MFAP5: variants seen among roughly 807,000 people sequenced by gnomAD.
MFAP5 encodes microfibrillar-associated protein 5.
In MFAP5, 19 loss-of-function variants were observed where a neutral mutation model predicts 30.1. The ratio of observed to expected loss-of-function variants is 0.63; its 90% CI spans 0.44 to 0.93. The LOEUF (loss-of-function observed/expected upper bound fraction) is 0.93. Ranked by LOEUF, MFAP5 falls within the 40% of genes least tolerant of loss-of-function variation. The pLI is 0.00. For missense variants in MFAP5, 210 were observed against 221.3 expected (o/e 0.95, Z 0.32); for synonymous variants, 92 against 72.9 (o/e 1.26, Z -1.33).
In MFAP5 at chr12:8,646,251, T is replaced by C. The variant is rs1456401484; in HGVS notation, c.*1840A>G. The C allele has an allele frequency of 6.6e-6, 1 of 152,236 alleles. No individual in the cohort carries two copies. The highest frequency in any genetic ancestry group is 1.5e-5 in the Non-Finnish European group (1 of 68,026). 9.4% of individuals were successfully genotyped at this position (152,236 alleles called of 1,614,324 possible). A position where few individuals can be genotyped will look rare whatever the true frequency, so the allele number is the denominator to read the frequency against. ...GGCTTTTTGTAGCATTTTTTTAAAA[T>C]CAGTTGTACAGATCCCATTAAACGA... On this transcript the variant is annotated 3_prime_UTR_variant, in exon 10 of 10. Coordinates refer to ENST00000359478, the MANE Select transcript of MFAP5 (RefSeq NM_003480.4).
In MFAP5 at chr12:8,649,541, G is replaced by T; in HGVS notation, c.369C>A (p.Ile123=). 2 of 1,614,094 alleles carry T rather than the reference G, an allele frequency of 1.2e-6. No homozygotes were observed. The highest frequency in any genetic ancestry group is 2.2e-5 in the South Asian group (2 of 91,086). ...LRRMYIVNKE[I]CSRLVCKEHE... ...GTTCCTTACAGACAAGACGAGAGCA[G>T]ATCTCCTTGTTGACGATGTACATAC... The change falls in exon 9 of 10, where the codon ATC becomes ATA. Residue 123 remains isoleucine (I), a synonymous_variant. Coordinates refer to ENST00000359478, the MANE Select transcript of MFAP5 (RefSeq NM_003480.4).
At position 8,649,566 on chromosome 12, in the gene MFAP5, C is replaced by A; in HGVS notation, c.344G>T (p.Arg115Leu). The A allele has an allele frequency of 1.9e-6, 3 of 1,613,832 alleles. No homozygotes were observed. Among genetic ancestry groups the A allele is most frequent in the Non-Finnish European group, 2.5e-6 (3 of 1,179,900 alleles). The change falls in exon 9 of 10, where the codon CGT becomes CTT. Residue 115 changes from arginine (R) to leucine (L), a missense_variant. By Grantham distance (102) the Arg-to-Leu change is moderately radical. Transcript: ENST00000359478. ...IHQLCFTSLRRMYIVNKEICS... is the reference protein window; with the variant it reads ...IHQLCFTSLRLMYIVNKEICS... ...GATCTCCTTGTTGACGATGTACATA[C>A]GTCGTAAACTGCAGACGTCCCAGTG... is the stretch of plus-strand genomic sequence containing the variant.
chr12:8,654,163 CTTCTTCT>C, intron 6 of MFAP5: 1 of 295,036 alleles, frequency 3.4e-6, no homozygotes, highest in Non-Finnish European at 6.3e-6. Context: ...CAAAGCATTA[CTTCTTCT>C]ACCCTTTATC....
intron 9 of MFAP5, 35 bp from the exon 10 acceptor site, chr12:8,648,238 G>T: frequency 1.3e-6 from 2 of 1,521,668 alleles, no homozygotes; most frequent in Non-Finnish European, 1.8e-6. Context: ...GGAAGAGAAT[G>T]CAGAAGATAA....
intron 9 of MFAP5, among the ~76,000 whole-genome samples, chr12:8,649,093 A>T (rs1453427813): frequency 6.6e-6 from 1 of 152,164 alleles, no homozygotes; most frequent in African/African-American, 2.4e-5. Flanking sequence ...CTGTCTCCAA[A>T]TTAGTGCATG....
At chr12:8,656,668 A>ATTTTTTTT (rs1555139703) in intron 3 of MFAP5, among the ~76,000 whole-genome samples, 42 of 118,784 alleles carry the variant, frequency 3.5e-4, no homozygotes, top group African/African-American at 1.4e-3. Context: ...ATATATATAT[A>ATTTTTTTT]TTTTTTTTTT....
At chr12:8,649,404 C>T in intron 9 of MFAP5, 97 bp downstream of exon 9, 1 of 1,109,826 alleles carries the variant, frequency 9.0e-7, no homozygotes. Flanking sequence ...GCCTGAAGCC[C>T]TCCTCTAGTA....
Position 8,647,920 on chromosome 12 carries a change from T to C in MFAP5, c.*171A>G. 2.0e-6 allele frequency: 1 copy of C among 508,490 alleles called. No individual in the cohort carries two copies. The highest frequency in any genetic ancestry group is 3.5e-6 in the Non-Finnish European group (1 of 282,124). The allele number at this position is 508,490 out of a possible 1,614,324, so 31.5% of individuals were successfully genotyped here. ...GTATTTTAAGTGCTAGAAAATGAGA[T>C]AAATGTTATCAGTTTGGGTGAAAAA... On this transcript the variant is annotated 3_prime_UTR_variant, in exon 10 of 10. Transcript: ENST00000359478.
At chr12:8,655,167 A>G (rs1941947430) in intron 5 of MFAP5, among the ~76,000 whole-genome samples, 2 of 151,870 alleles carry the variant, frequency 1.3e-5, no homozygotes, top group Non-Finnish European at 2.9e-5. Flanking sequence ...AATCTCAGCT[A>G]CTCAGGAGGC....
At chr12:8,650,401 C>T in intron 8 of MFAP5, 101 bp downstream of exon 8, 2 of 1,153,400 alleles carry the variant, frequency 1.7e-6, no homozygotes, top group Admixed American at 3.7e-5. Flanking sequence ...AACTTTGGCC[C>T]CATCAAAGTT....
Position 8,654,626 on chromosome 12 carries a change from T to C in MFAP5, c.173-145A>G, listed in dbSNP as rs996268015. 7 of 647,824 alleles carry C rather than the reference T, an allele frequency of 1.1e-5. No homozygotes were observed. In the African/African-American group the frequency reaches 1.3e-4, roughly 12 times the overall value. 40.1% of individuals were successfully genotyped at this position (647,824 alleles called of 1,614,324 possible). A position where few individuals can be genotyped will look rare whatever the true frequency, so the allele number is the denominator to read the frequency against. On this transcript the variant is annotated intron_variant, in intron 5 of 9. Coordinates refer to ENST00000359478, the MANE Select transcript of MFAP5 (RefSeq NM_003480.4). ...TTATGTATAAGGGAATAGAATTAAT[T>C]AAATAATTATAAATTTTTTTAAAGA...
At chr12:8,658,291 A>G (rs113302897) in intron 3 of MFAP5, among the ~76,000 whole-genome samples, 30 of 152,288 alleles carry the variant, frequency 2.0e-4, no homozygotes, top group Middle Eastern at 3.4e-3. Flanking sequence ...CGGAGGTTGC[A>G]GTGAGCTGAG....
chr12:8,652,708 A>G (rs1941870231), intron 6 of MFAP5, among the ~76,000 whole-genome samples: 1 of 152,170 alleles, frequency 6.6e-6, no homozygotes, highest in Non-Finnish European at 1.5e-5. Context: ...CTGTATTTCC[A>G]ACCTCATCTC....
chr12:8,650,592 G>A lies in MFAP5; in HGVS notation c.248-3C>T. ...GGTAAATTTCTCATCCCAGCACTCT[G>A]AGGAAGCCCAATACAAAAAAATAAG... On this transcript the variant is annotated splice_region_variant and splice_polypyrimidine_tract_variant and intron_variant, in intron 7 of 9. Transcript: ENST00000359478. The A allele has an allele frequency of 6.2e-7, 1 of 1,611,886 alleles. No individual in the cohort carries two copies. The highest frequency in any genetic ancestry group is 1.1e-5 in the South Asian group (1 of 91,014).
At chr12:8,660,731 T>A in intron 3 of MFAP5, 132 bp downstream of exon 3, 1 of 793,766 alleles carries the variant, frequency 1.3e-6, no homozygotes, top group East Asian at 2.6e-5. Flanking sequence ...AATGCATCTC[T>A]TTGTTGTAGG....
Position 8,662,047 on chromosome 12 carries a change from CA to C in MFAP5, c.57del (p.Asp20ThrfsTer15). 1 of 1,613,626 alleles carries C rather than the reference CA, an allele frequency of 6.2e-7. No homozygotes were observed. Among genetic ancestry groups the C allele is most frequent in the South Asian group, 1.1e-5 (1 of 90,928 alleles). Reference protein sequence around the residue: ...LLFLAAFIITSDWIPLGVNSQ... With the variant: ...LLFLAAFIITXDWIPLGVNSQ... ...AGGGAGCAAAGAATAAAGGACTCAC[CA>C]GAGGTGATGATGAATGCAGCAAGAA... is the stretch of plus-strand genomic sequence containing the variant. On this transcript the variant is annotated frameshift_variant and splice_region_variant, in exon 2 of 10. Coordinates refer to ENST00000359478, the MANE Select transcript of MFAP5 (RefSeq NM_003480.4). LOFTEE classifies it high-confidence loss of function.
At chr12:8,658,282 G>A (rs1012749745) in intron 3 of MFAP5, among the ~76,000 whole-genome samples, 12 of 152,076 alleles carry the variant, frequency 7.9e-5, no homozygotes, top group African/African-American at 2.4e-4. Flanking sequence ...CTCAGGAGGC[G>A]GAGGTTGCAG....
chr12:8,656,301 G>A (rs1941985661), intron 3 of MFAP5, among the ~76,000 whole-genome samples: 1 of 151,900 alleles, frequency 6.6e-6, no homozygotes, highest in South Asian at 2.1e-4. Context: ...GCCCCCCTCG[G>A]CCTCCCAAAG....
intron 3 of MFAP5, among the ~76,000 whole-genome samples, chr12:8,657,103 CATCT>C (rs957469998): frequency 6.6e-6 from 1 of 152,134 alleles, no homozygotes. Context: ...ACTTTATACA[CATCT>C]ATCAAAATGT....
Sources: allele counts gnomAD v4.1 joint callset (sites outside exome capture counted in the v4.1 genomes callset), GRCh38; gene constraint gnomAD v4.1.1; transcripts MANE v1.5; gene names NCBI Gene and HGNC (gene_info 2026-07-23, HGNC 2026-07-21).